The following PRODH2 variants were observed in gnomAD, a reference collection of about 807,000 sequenced individuals.
PRODH2 encodes hydroxyproline dehydrogenase.
PRODH2 carries 49 observed loss-of-function variants against 51.9 expected under a neutral mutation model. That is an observed-to-expected ratio of 0.94 (90% CI 0.75 to 1.20). The LOEUF is 1.20. Among genes scored for constraint, PRODH2 ranks in the 50% most tolerant of loss-of-function variants. The probability of loss-of-function intolerance (pLI) is 0.00; values close to 1 mark genes in which losing one functional copy is unlikely to be tolerated. For missense variants in PRODH2, 597 were observed against 610.9 expected (o/e 0.98, Z 0.24); for synonymous variants, 249 against 260.7 (o/e 0.96, Z 0.43).
rs1023841358 is a variant in PRODH2, at chr19:35,802,192, C to G, written c.1197G>C (p.Leu399=). 1.9e-6 allele frequency: 3 copies of G among 1,613,808 alleles called. No homozygotes were observed. The highest frequency in any genetic ancestry group is 2.5e-6 in the Non-Finnish European group (3 of 1,179,904). The change falls in exon 9 of 10, where the codon CTG becomes CTC. Residue 399 remains leucine (L), a splice_region_variant and synonymous_variant. Coordinates refer to ENST00000653904, the MANE Select transcript of PRODH2 (RefSeq NM_021232.2). ...LGMCDHVSLA[L]GQAGYVVYKS... ...GGGGTGGGGGAGCCATTCACATACCCAGTGCTAGAGAGACGTGGTCACACA... is the reference window on the plus strand; with the variant it reads ...GGGGTGGGGGAGCCATTCACATACCGAGTGCTAGAGAGACGTGGTCACACA...
chr19:35,807,478 C>T (rs1369779786), intron 4 of PRODH2, among the ~76,000 whole-genome samples: 1 of 151,758 alleles, frequency 6.6e-6, no homozygotes, highest in Non-Finnish European at 1.5e-5. Flanking sequence ...AATATTTGTA[C>T]TTTTAGTAGA....
Position 35,812,281 on chromosome 19 carries a change from C to T in PRODH2, c.372-9G>A. 6.2e-7 allele frequency: 1 copy of T among 1,613,042 alleles called. No homozygotes were observed. Among genetic ancestry groups the T allele is most frequent in the Non-Finnish European group, 8.5e-7 (1 of 1,179,610 alleles). ...CCTCATACCACGCCTCACTGCCCAG[C>T]CAGCAGGTGTCAGGGCCCGAACAGC... is the stretch of plus-strand genomic sequence containing the variant. On this transcript the variant is annotated splice_polypyrimidine_tract_variant and intron_variant, in intron 2 of 9. Coordinates refer to ENST00000653904, the MANE Select transcript of PRODH2 (RefSeq NM_021232.2).
chr19:35,811,261 C>T (rs1392275778), intron 4 of PRODH2, among the ~76,000 whole-genome samples: 13 of 151,784 alleles, frequency 8.6e-5, no homozygotes, highest in Non-Finnish European at 1.5e-5. Context: ...ATGCATTATA[C>T]AAGACGGCAG....
rs997650723 is a variant in PRODH2 at position 35,802,040 on chromosome 19, G to C, written c.1198+151C>G. The C allele has an allele frequency of 2.2e-5, 15 of 690,916 alleles. No individual in the cohort carries two copies. In the Admixed American group the frequency reaches 2.3e-4, roughly 11 times the overall value. 42.8% of individuals were successfully genotyped at this position (690,916 alleles called of 1,614,324 possible). On this transcript the variant is annotated intron_variant, in intron 9 of 9. Coordinates refer to ENST00000653904, the MANE Select transcript of PRODH2 (RefSeq NM_021232.2). ...AGAAATGACAGACGGCAGACACAGA[G>C]ACACAGCCTTGGAAGGCCCACAGAC...
rs762994679 is a variant in PRODH2 at position 35,800,224 on chromosome 19, T to A, written c.1199-2A>T. On this transcript the variant is annotated splice_acceptor_variant, in intron 9 of 9. Transcript: ENST00000653904. LOFTEE classifies it high-confidence loss of function. Reference sequence around the variant, plus strand: ...TATACACTACATAGCCGGCCTGCCCTGCAGGGAGAGTGGGTTTTGTTTTTT... The same window carrying A: ...TATACACTACATAGCCGGCCTGCCCAGCAGGGAGAGTGGGTTTTGTTTTTT... 6 of 1,552,386 alleles carry A rather than the reference T, an allele frequency of 3.9e-6. No homozygotes were observed. Among genetic ancestry groups the A allele is most frequent in the Non-Finnish European group, 5.2e-6 (6 of 1,147,856 alleles).
chr19:35,809,961 A>AG (rs1972577923), intron 4 of PRODH2, among the ~76,000 whole-genome samples: 1 of 124,316 alleles, frequency 8.0e-6, no homozygotes, highest in Non-Finnish European at 1.6e-5. Flanking sequence ...GCCGCTTCAA[A>AG]AAAAAAAAAA....
chr19:35,812,123 G>A lies in PRODH2; in HGVS notation c.510+11C>T, dbSNP rs1229788007. The A allele has an allele frequency of 1.9e-6, 3 of 1,613,358 alleles. No homozygotes were observed. In the African/African-American group the frequency reaches 4.0e-5, roughly 22 times the overall value. On this transcript the variant is annotated intron_variant, in intron 3 of 9. Coordinates refer to ENST00000653904, the MANE Select transcript of PRODH2 (RefSeq NM_021232.2). ...GCGCCCTCCCCGCACCCCCGTCTTT[G>A]CACTCCTTACACAGAGCCGAGTACT...
At chr19:35,811,842 ACTTCT>A (rs1972615393) in intron 4 of PRODH2, 115 bp downstream of exon 4, 2 of 956,494 alleles carry the variant, frequency 2.1e-6, no homozygotes, top group Admixed American at 2.4e-5. Flanking sequence ...CTACAGCTGC[ACTTCT>A]GCTGGCTGTT....
chr19:35,806,450 G>C lies in PRODH2; in HGVS notation c.981C>G (p.Asp327Glu). 1.2e-6 allele frequency: 2 copies of C among 1,614,120 alleles called. No individual in the cohort carries two copies. The highest frequency in any genetic ancestry group is 1.7e-6 in the Non-Finnish European group (2 of 1,180,026). Residue 327 changes from aspartate to glutamate, a missense_variant, in exon 7 of 10, where the codon GAC becomes GAG. Physicochemically the swap from Asp to Glu is conservative, Grantham distance 45. Coordinates refer to ENST00000653904, the MANE Select transcript of PRODH2 (RefSeq NM_021232.2). Reference sequence around the variant, plus strand: ...CCTACCTCTGACTGGTGGCCTCATAGTCAGGCTGAGTGGGGTCTTCCATCC... The same window carrying C: ...CCTACCTCTGACTGGTGGCCTCATACTCAGGCTGAGTGGGGTCTTCCATCC... ...LHGMEDPTQP[D>E]YEATSQSYSR...
chr19:35,802,389 A>C, intron 8 of PRODH2, 113 bp from the exon 9 acceptor site: 1 of 918,106 alleles, frequency 1.1e-6, no homozygotes, highest in Non-Finnish European at 1.8e-6. Context: ...AGTATTTCCA[A>C]ACTCAATGAT....
At position 35,809,974 on chromosome 19, in the gene PRODH2, A is replaced by AAACAAAAC. The variant is rs1568442972; in HGVS notation, c.597+1987_597+1988insGTTTTGTT. 2.1e-5 allele frequency among the ~76,000 whole-genome samples: 3 copies of AAACAAAAC among 139,884 alleles called. No homozygotes were observed. In the Admixed American group the frequency reaches 2.2e-4, roughly 10 times the overall value. 91.8% of individuals were successfully genotyped at this position (139,884 alleles called of 152,430 possible). On this transcript the variant is annotated intron_variant, in intron 4 of 9. Transcript: ENST00000653904. ...ATGCCGCTTCAAAAAAAAAAAAAAA[A>AAACAAAAC]AAAAAAAAAAACGCTGGGCGTGGTG...
chr19:35,807,259 T>C (rs962411251), intron 4 of PRODH2, 138 bp from the exon 5 acceptor site: 12 of 791,722 alleles, frequency 1.5e-5, no homozygotes, highest in Non-Finnish European at 2.4e-5. Flanking sequence ...CACCACCTAC[T>C]GTGTGACCTT....
chr19:35,804,521 G>A (rs1247197982), intron 7 of PRODH2, among the ~76,000 whole-genome samples: 1 of 152,254 alleles, frequency 6.6e-6, no homozygotes, highest in East Asian at 1.9e-4. Flanking sequence ...CTGAAGCTGA[G>A]AGGGGTTCTA....
At position 35,807,061 on chromosome 19, in the gene PRODH2, G is replaced by A. The variant is rs377233665; in HGVS notation, c.658C>T (p.Arg220Cys). ...GTTACCTGTGCCACCCGATGCAGGC[G>A]GCTGAGGGAGGCCCGGAGGTGCTGG... ...QNQHLRASLS[R>C]LHRVAQYARA... is the part of the protein sequence containing the mutation. Residue 220 changes from arginine (R) to cysteine (C), a missense_variant, in exon 5 of 10, where the codon CGC becomes TGC. Coordinates refer to ENST00000653904, the MANE Select transcript of PRODH2 (RefSeq NM_021232.2). 66 of 1,552,178 alleles carry A rather than the reference G, an allele frequency of 4.3e-5. No homozygotes were observed. The highest frequency in any genetic ancestry group is 3.9e-4 in the Middle Eastern group (2 of 5,154).
rs762146162 is a variant in PRODH2, at chr19:35,812,442, C to T, written c.289G>A (p.Val97Met). The T allele has an allele frequency of 9.9e-6, 16 of 1,614,130 alleles. No homozygotes were observed. Among genetic ancestry groups the T allele is most frequent in the African/African-American group, 4.0e-5 (3 of 74,958 alleles). ...GETAEEVKGCVQQLRTLSLRP... is the reference protein window; with the variant it reads ...GETAEEVKGCMQQLRTLSLRP... ...AGGCTGAGGGTCCGCAGCTGCTGCA[C>T]GCAGCCCTTCACCTCCTCTGCTGTC... Residue 97 changes from valine to methionine, a missense_variant, in exon 2 of 10, where the codon GTG becomes ATG. Coordinates refer to ENST00000653904, the MANE Select transcript of PRODH2 (RefSeq NM_021232.2).
chr19:35,806,116 C>T (rs571579048), intron 7 of PRODH2, among the ~76,000 whole-genome samples: 11 of 151,172 alleles, frequency 7.3e-5, no homozygotes, highest in African/African-American at 2.2e-4. Flanking sequence ...GACAGATTCT[C>T]GCTCTGCTGC....
At chr19:35,809,107 T>TCTTC (rs3030903) in intron 4 of PRODH2, among the ~76,000 whole-genome samples, 3,285 of 149,898 alleles carry the variant, frequency 0.022, 116 homozygotes, top group African/African-American at 0.073. Flanking sequence ...TTTATTTCTT[T>TCTTC]CTTCCTTCCT....
At chr19:35,807,154 T>C (rs1304121032) in intron 4 of PRODH2, 33 bp from the exon 5 acceptor site, 2 of 1,494,686 alleles carry the variant, frequency 1.3e-6, no homozygotes, top group East Asian at 2.5e-5. Flanking sequence ...GGGAAAAGCT[T>C]ATAAGTTGCT....
Position 35,802,967 on chromosome 19 carries a change from C to T in PRODH2, c.1112+1G>A. The T allele has an allele frequency of 1.3e-6, 2 of 1,547,832 alleles. No homozygotes were observed. The highest frequency in any genetic ancestry group is 1.8e-6 in the Non-Finnish European group (2 of 1,139,428). Reference sequence around the variant, plus strand: ...TTCCCGCCCATCCCTCCACCTCATACCGCTTGGTTGCCTGGCGAACAGATT... The same window carrying T: ...TTCCCGCCCATCCCTCCACCTCATATCGCTTGGTTGCCTGGCGAACAGATT... On this transcript the variant is annotated splice_donor_variant, in intron 8 of 9. Coordinates refer to ENST00000653904, the MANE Select transcript of PRODH2 (RefSeq NM_021232.2). LOFTEE classifies it high-confidence loss of function.
Sources: gnomAD v4.1 joint callset for allele counts (sites outside exome capture counted in the v4.1 genomes callset) on GRCh38, gnomAD v4.1.1 for gene constraint, MANE v1.5 for transcripts, NCBI Gene and HGNC (gene_info 2026-07-23, HGNC 2026-07-21) for gene names.